Variants in CHRM5 observed in about 807,000 individuals in gnomAD.
The protein encoded by CHRM5 is cholinergic receptor muscarinic 5, also known as muscarinic acetylcholine receptor M5.
CHRM5 carries 18 observed loss-of-function variants against 39.0 expected under a neutral mutation model. The observed-to-expected ratio is 0.46, with a 90% CI of 0.32 to 0.68. CHRM5 has a LOEUF of 0.68. CHRM5 is among the 30% of genes least tolerant of loss of function. The probability of loss-of-function intolerance (pLI) is 0.04; values close to 1 mark genes in which losing one functional copy is unlikely to be tolerated. For synonymous variants in CHRM5, 241 were observed against 246.3 expected (o/e 0.98, Z 0.20); for missense variants, 515 against 651.1 (o/e 0.79, Z 2.28).
intron 1 of CHRM5, among the ~76,000 whole-genome samples, chr15:33,973,533 T>A (rs1389720139): frequency 6.6e-6 from 1 of 152,182 alleles, no homozygotes; most frequent in African/African-American, 2.4e-5. Flanking sequence ...ACTTCTTTCA[T>A]AACACCTTGT....
rs1315393504 is a variant in CHRM5, at chr15:34,038,798, G to A, written c.-407-7742G>A. Reference sequence around the variant, plus strand: ...CTCTTACCGGCGCGCTGGCCCCTGCGCCCCAGCCTCCCGGCTCCCGGCGGC... The same window carrying A: ...CTCTTACCGGCGCGCTGGCCCCTGCACCCCAGCCTCCCGGCTCCCGGCGGC... On this transcript the variant is annotated intron_variant, in intron 1 of 2. Coordinates refer to ENST00000383263, the MANE Select transcript of CHRM5 (RefSeq NM_012125.4). The A allele has an allele frequency of 2.1e-5, 25 of 1,191,006 alleles. No homozygotes were observed. The African/African-American group carries it at 2.4e-4, about 12-fold the overall frequency. 73.8% of individuals were successfully genotyped at this position (1,191,006 alleles called of 1,614,324 possible).
At chr15:34,039,596 G>A (rs904641171) in intron 1 of CHRM5, among the ~76,000 whole-genome samples, 1 of 152,156 alleles carries the variant, frequency 6.6e-6, no homozygotes, top group Non-Finnish European at 1.5e-5. Context: ...AGGAGGTGTG[G>A]ATGTAAAGAC....
At chr15:34,038,791 C>T (rs1340547929) in intron 1 of CHRM5, 17 of 1,188,856 alleles carry the variant, frequency 1.4e-5, no homozygotes, top group Non-Finnish European at 1.7e-5. Flanking sequence ...GGCGCGCTGG[C>T]CCCTGCGCCC....
At position 34,066,506 on chromosome 15, in the gene CHRM5, T is replaced by C. The variant is rs1900514643; in HGVS notation, c.*2190T>C. The C allele has an allele frequency of 6.6e-6, 1 of 152,144 alleles. No homozygotes were observed. The allele number at this position is 152,144 out of a possible 1,614,324, so 9.4% of individuals were successfully genotyped here. ...CCTTTTTTGTTCATCTTTTGTGAAA[T>C]TGATTAAGAAGTGTATTGCTGGGTG... On this transcript the variant is annotated 3_prime_UTR_variant, in exon 3 of 3. Transcript: ENST00000383263.
chr15:34,057,602 T>C (rs967671468), intron 2 of CHRM5, among the ~76,000 whole-genome samples: 3 of 152,140 alleles, frequency 2.0e-5, no homozygotes, highest in Admixed American at 6.5e-5. Context: ...AAGTTTAAAA[T>C]CTGAGACTCA....
In CHRM5 at chr15:34,062,897, G is replaced by T; in HGVS notation, c.180G>T (p.Gln60His). 2 of 1,614,206 alleles carry T rather than the reference G, an allele frequency of 1.2e-6. No individual in the cohort carries two copies. Among genetic ancestry groups the T allele is most frequent in the Non-Finnish European group, 1.7e-6 (2 of 1,180,042 alleles). The change falls in exon 3 of 3, where the codon CAG (glutamine) becomes CAT (histidine). Residue 60 changes from glutamine to histidine, a missense_variant. Gln to His is a conservative substitution (Grantham distance 24). Coordinates refer to ENST00000383263, the MANE Select transcript of CHRM5 (RefSeq NM_012125.4). ...TGATCTCCTTCAAAGTCAACAGCCA[G>T]CTCAAGACAGTTAACAACTATTACC... ...LVMISFKVNS[Q>H]LKTVNNYYLL...
chr15:33,970,353 T>C (rs1359273044), intron 1 of CHRM5, among the ~76,000 whole-genome samples: 1 of 151,954 alleles, frequency 6.6e-6, no homozygotes, highest in East Asian at 1.9e-4. Context: ...TACAGAAACT[T>C]ACCTGTCATT....
chr15:34,020,899 C>A lies in CHRM5; in HGVS notation c.-407-25641C>A, dbSNP rs188525697. ...AAAAACAAATGGACCTACCAAAATT[C>A]TCTTCCTTTTAAGCACCTACCTTAT... On this transcript the variant is annotated intron_variant, in intron 1 of 2. Coordinates refer to ENST00000383263, the MANE Select transcript of CHRM5 (RefSeq NM_012125.4). 1.1e-3 allele frequency among the ~76,000 whole-genome samples: 162 copies of A among 152,346 alleles called. 2 individuals carry two copies. Among genetic ancestry groups the A allele is most frequent in the Middle Eastern group, 6.8e-3 (2 of 294 alleles).
At chr15:34,038,904 C>A in intron 1 of CHRM5, 1 of 1,124,004 alleles carries the variant, frequency 8.9e-7, no homozygotes, top group Non-Finnish European at 1.1e-6. Context: ...CCGGCGTCCG[C>A]CTCCGTCCCC....
chr15:33,974,802 G>A (rs563792121), intron 1 of CHRM5, among the ~76,000 whole-genome samples: 3 of 152,120 alleles, frequency 2.0e-5, no homozygotes, highest in Admixed American at 6.5e-5. Context: ...TTGAAACCCC[G>A]TTTCTAATAA....
intron 1 of CHRM5, among the ~76,000 whole-genome samples, chr15:33,994,531 T>G (rs1266461662): frequency 6.6e-6 from 1 of 152,200 alleles, no homozygotes; most frequent in Non-Finnish European, 1.5e-5. Flanking sequence ...GTGGAAAAAT[T>G]GTCTTCCACA....
intron 1 of CHRM5, among the ~76,000 whole-genome samples, chr15:33,984,993 T>C (rs1896360234): frequency 6.6e-6 from 1 of 152,124 alleles, no homozygotes; most frequent in South Asian, 2.1e-4. Context: ...AAAAGCCTCC[T>C]TGACCTTGAC....
intron 1 of CHRM5, among the ~76,000 whole-genome samples, chr15:33,996,365 C>G (rs1896933204): frequency 6.6e-6 from 1 of 152,140 alleles, no homozygotes; most frequent in Admixed American, 6.5e-5. Flanking sequence ...TGAGAACCGA[C>G]AGACTGCCTC....
In CHRM5 at chr15:34,063,187, TCTC is replaced by T. The variant is rs1488791000; in HGVS notation, c.473_475del (p.Ser158del). On this transcript the variant is annotated inframe_deletion, in exon 3 of 3. Transcript: ENST00000383263. This position sits in a 1 kb window ranked among gnomAD's most constrained non-coding sequence, Gnocchi z 4.1. ...ATCATGATTGGCTTGGCCTGGCTGA[TCTC>T]CTTCATCCTCTGGGCCCCAGCAATC... The T allele has an allele frequency of 3.1e-6, 5 of 1,614,136 alleles. No homozygotes were observed. Among genetic ancestry groups the T allele is most frequent in the Non-Finnish European group, 4.2e-6 (5 of 1,180,024 alleles).
chr15:33,987,026 C>A (rs1896506234), intron 1 of CHRM5, among the ~76,000 whole-genome samples: 1 of 152,232 alleles, frequency 6.6e-6, no homozygotes, highest in East Asian at 1.9e-4. Context: ...ATTCTCACCA[C>A]AGGTTATGAA....
intron 1 of CHRM5, among the ~76,000 whole-genome samples, chr15:34,009,645 T>C (rs1168556313): frequency 2.0e-5 from 3 of 152,144 alleles, no homozygotes; most frequent in Non-Finnish European, 2.9e-5. Flanking sequence ...AAAATCGTTA[T>C]AAAGACCAAG....
intron 2 of CHRM5, among the ~76,000 whole-genome samples, chr15:34,052,293 A>G (rs1216978714): frequency 6.6e-6 from 1 of 152,220 alleles, no homozygotes; most frequent in Non-Finnish European, 1.5e-5. Context: ...GAAAAAATTT[A>G]AATCCCTTCA....
At chr15:34,024,492 A>AC (rs1491021146) in intron 1 of CHRM5, among the ~76,000 whole-genome samples, 2 of 135,530 alleles carry the variant, frequency 1.5e-5, no homozygotes, top group African/African-American at 5.0e-5. Flanking sequence ...AAAAAAAAAA[A>AC]AGAAGCACTT....
intron 1 of CHRM5, among the ~76,000 whole-genome samples, chr15:34,040,963 G>A (rs1233464859): frequency 6.6e-6 from 1 of 152,148 alleles, no homozygotes; most frequent in Non-Finnish European, 1.5e-5. Flanking sequence ...ATAGCAGTGG[G>A]GAAGGGGCAT....
Sources: gnomAD v4.1 joint callset for allele counts (sites outside exome capture counted in the v4.1 genomes callset) on GRCh38, gnomAD v4.1.1 for gene constraint, Gnocchi (gnomAD v3.1) non-coding constraint, MANE v1.5 for transcripts, NCBI Gene and HGNC (gene_info 2026-07-23, HGNC 2026-07-21) for gene names.